Variants in MARCHF1 observed in about 807,000 individuals in gnomAD.
The protein encoded by MARCHF1 is membrane associated ring-CH-type finger 1.
Under a neutral mutation model 54.2 loss-of-function variants are expected in MARCHF1, and 40 were observed. That is an observed-to-expected ratio of 0.74 (90% confidence interval 0.57 to 0.96). The LOEUF is 0.96. Among genes scored for constraint, MARCHF1 ranks in the 40% least tolerant of loss-of-function variants. The pLI is 0.00. For synonymous variants in MARCHF1, 236 were observed against 236.3 expected (o/e 1.00, Z 0.01); for missense variants, 586 against 656.5 (o/e 0.89, Z 1.17).
intron 1 of MARCHF1, among the ~76,000 whole-genome samples, chr4:164,364,109 G>T (rs556746532): frequency 2.8e-4 from 42 of 151,976 alleles, no homozygotes; most frequent in Non-Finnish European, 5.0e-4. Flanking sequence ...GGAAGGGAGA[G>T]ACCAGACATC....
At chr4:163,651,087 C>T (rs1248491043) in intron 5 of MARCHF1, among the ~76,000 whole-genome samples, 1 of 151,832 alleles carries the variant, frequency 6.6e-6, no homozygotes, top group Admixed American at 6.6e-5. Context: ...GTTCCAAAAT[C>T]AATGATGTAA....
intron 1 of MARCHF1, among the ~76,000 whole-genome samples, chr4:164,292,959 C>G (rs1047939586): frequency 6.6e-6 from 1 of 152,104 alleles, no homozygotes; most frequent in African/African-American, 2.4e-5. Flanking sequence ...CTACTTCCTT[C>G]TTCTAACCAA....
intron 4 of MARCHF1, among the ~76,000 whole-genome samples, chr4:163,794,179 G>T (rs761178331): frequency 3.3e-5 from 5 of 152,170 alleles, no homozygotes; most frequent in Non-Finnish European, 5.9e-5. Flanking sequence ...AGAATACTGT[G>T]ATTCCAGCTA....
chr4:163,769,539 C>A (rs1747093253), intron 4 of MARCHF1, among the ~76,000 whole-genome samples: 2 of 152,074 alleles, frequency 1.3e-5, no homozygotes, highest in South Asian at 4.1e-4. Context: ...AGAATCAAAC[C>A]CATGTCTGTC....
At chr4:163,659,284 C>G (rs936829347) in intron 5 of MARCHF1, among the ~76,000 whole-genome samples, 2 of 151,908 alleles carry the variant, frequency 1.3e-5, no homozygotes, top group Non-Finnish European at 2.9e-5. Flanking sequence ...ACAAACCTCA[C>G]AAAAACAAGC....
intron 3 of MARCHF1, among the ~76,000 whole-genome samples, chr4:163,987,339 C>G (rs750691993): frequency 1.8e-4 from 27 of 152,170 alleles, no homozygotes; most frequent in Non-Finnish European, 3.8e-4. Context: ...CCAAAGTTAT[C>G]TACAAATTCT....
At chr4:164,007,345 C>CAAA (rs56306052) in intron 2 of MARCHF1, among the ~76,000 whole-genome samples, 22 of 81,758 alleles carry the variant, frequency 2.7e-4, no homozygotes, top group African/African-American at 9.0e-4. Context: ...GACTCCATCT[C>CAAA]AAAAAAAAAA....
chr4:163,563,913 T>TA (rs773562461), intron 8 of MARCHF1, among the ~76,000 whole-genome samples: 11 of 152,226 alleles, frequency 7.2e-5, no homozygotes, highest in Non-Finnish European at 1.6e-4. Context: ...CCCTAGGCTC[T>TA]AAGCGACCTG....
Position 163,728,816 on chromosome 4 carries a change from T to A in MARCHF1, c.112-27953A>T, listed in dbSNP as rs946880706. Reference sequence around the variant, plus strand: ...CCTTTTCTTGTCTTATTGCATTAGCTAGGGCTTTCAGTATAATGCTGAAAA... The same window carrying A: ...CCTTTTCTTGTCTTATTGCATTAGCAAGGGCTTTCAGTATAATGCTGAAAA... On this transcript the variant is annotated intron_variant, in intron 4 of 9. Transcript: ENST00000514618. 2.0e-5 allele frequency among the ~76,000 whole-genome samples: 3 copies of A among 152,210 alleles called. No homozygotes were observed. The East Asian group carries it at 5.8e-4, about 29-fold the overall frequency.
chr4:164,351,302 G>T (rs1395520811), intron 1 of MARCHF1, among the ~76,000 whole-genome samples: 2 of 150,990 alleles, frequency 1.3e-5, no homozygotes, highest in Non-Finnish European at 3.0e-5. Context: ...CTCCACCTCT[G>T]GGGGCAGGGC....
chr4:163,841,408 A>G (rs1207987942), intron 4 of MARCHF1, among the ~76,000 whole-genome samples: 1 of 151,790 alleles, frequency 6.6e-6, no homozygotes, highest in African/African-American at 2.4e-5. Context: ...TTTGCTCAGT[A>G]TTGCTAAGAA....
chr4:164,346,050 T>C (rs1730084248), intron 1 of MARCHF1, among the ~76,000 whole-genome samples: 1 of 152,212 alleles, frequency 6.6e-6, no homozygotes, highest in African/African-American at 2.4e-5. Context: ...AATGGTTTGA[T>C]TGGTACTAAA....
chr4:163,988,216 A>G (rs1243597009), intron 3 of MARCHF1, among the ~76,000 whole-genome samples: 1 of 152,222 alleles, frequency 6.6e-6, no homozygotes. Flanking sequence ...ACAAGCCATA[A>G]AAGTCAAAAG....
At chr4:163,977,165 G>A (rs1752665119) in intron 3 of MARCHF1, among the ~76,000 whole-genome samples, 1 of 151,350 alleles carries the variant, frequency 6.6e-6, no homozygotes, top group Non-Finnish European at 1.5e-5. Flanking sequence ...TATAATAATT[G>A]TTATTAATAT....
intron 4 of MARCHF1, among the ~76,000 whole-genome samples, chr4:163,731,918 C>T (rs1016054559): frequency 6.6e-6 from 1 of 152,094 alleles, no homozygotes; most frequent in Non-Finnish European, 1.5e-5. Context: ...AACCTAAAAG[C>T]ATTAAACTGC....
chr4:164,130,120 C>T (rs909790282), intron 1 of MARCHF1: 1 of 151,978 alleles, frequency 6.6e-6, no homozygotes, highest in African/African-American at 2.4e-5. Context: ...AAAAAAATCA[C>T]ACTACTTTAT....
At chr4:164,112,958 A>G (rs1482540422) in intron 1 of MARCHF1, among the ~76,000 whole-genome samples, 2 of 147,746 alleles carry the variant, frequency 1.4e-5, no homozygotes, top group Admixed American at 6.6e-5. Context: ...AATTCTGAAA[A>G]TAAGATATTA....
intron 4 of MARCHF1, among the ~76,000 whole-genome samples, chr4:163,723,151 A>C (rs1299698984): frequency 6.6e-6 from 1 of 152,216 alleles, no homozygotes; most frequent in Non-Finnish European, 1.5e-5. Flanking sequence ...ATGGTTTTGC[A>C]CTGGCTGGTA....
At chr4:164,293,673 G>T (rs1049413619) in intron 1 of MARCHF1, among the ~76,000 whole-genome samples, 1 of 152,124 alleles carries the variant, frequency 6.6e-6, no homozygotes, top group Non-Finnish European at 1.5e-5. Context: ...ATTAAGAATC[G>T]CAATAGCTAG....
Sources: gnomAD v4.1 joint callset for allele counts (sites outside exome capture counted in the v4.1 genomes callset) on GRCh38, gnomAD v4.1.1 for gene constraint, MANE v1.5 for transcripts, NCBI Gene and HGNC (gene_info 2026-07-23, HGNC 2026-07-21) for gene names.